CEP350: variants seen among roughly 807,000 people sequenced by gnomAD.
The protein encoded by CEP350 is centrosome-associated protein 350.
CEP350 carries 126 observed loss-of-function variants against 331.8 expected under a neutral mutation model. The observed-to-expected ratio is 0.38, with a 90% CI of 0.33 to 0.44. CEP350 has a LOEUF of 0.44. CEP350 is among the 20% of genes least tolerant of loss of function. CEP350 has a pLI of 1.00. For missense variants in CEP350, 3,406 were observed against 3,634.6 expected (o/e 0.94, Z 1.62); for synonymous variants, 1,200 against 1,259.5 (o/e 0.95, Z 1.00).
chr1:180,092,528 A>G (rs1354714239), intron 33 of CEP350, 86 bp from the exon 34 acceptor site: 1 of 985,970 alleles, frequency 1.0e-6, no homozygotes, highest in Non-Finnish European at 1.4e-6. Flanking sequence ...TTTCACTAAA[A>G]TTTGGCTTTT....
chr1:180,015,696 CAAAAT>C (rs1247873523), intron 10 of CEP350, among the ~76,000 whole-genome samples, 148 bp from the exon 11 acceptor site: 1 of 151,834 alleles, frequency 6.6e-6, no homozygotes, highest in Non-Finnish European at 1.5e-5. Context: ...GTTTTTAAGA[CAAAAT>C]AAATTTTAAT....
chr1:179,964,985 A>G (rs1015201287), intron 1 of CEP350, among the ~76,000 whole-genome samples: 1 of 151,630 alleles, frequency 6.6e-6, no homozygotes, highest in Non-Finnish European at 1.5e-5. Context: ...CTTTAAGTTC[A>G]ACTTTAAGTT....
At chr1:180,008,871 A>G (rs754797521) in intron 8 of CEP350, among the ~76,000 whole-genome samples, 5 of 152,264 alleles carry the variant, frequency 3.3e-5, no homozygotes, top group Admixed American at 6.5e-5. Context: ...CTAGTCATAC[A>G]CTAATCAGTA....
intron 18 of CEP350, 135 bp downstream of exon 18, chr1:180,041,383 T>C (rs1163299788): frequency 1.5e-6 from 1 of 689,434 alleles, no homozygotes; most frequent in Non-Finnish European, 2.4e-6. Flanking sequence ...TTTTATGGGA[T>C]AATGCCATGT....
rs757657911 is a variant in CEP350 at position 180,041,123 on chromosome 1, AC to A, written c.4111-13del. 6.4e-7 allele frequency: 1 copy of A among 1,559,032 alleles called. No homozygotes were observed. Among genetic ancestry groups the A allele is most frequent in the South Asian group, 1.2e-5 (1 of 84,770 alleles). On this transcript the variant is annotated splice_polypyrimidine_tract_variant and intron_variant, in intron 17 of 37. Transcript: ENST00000367607. ...TTTCGTATCTGAGAATTAACATTTG[AC>A]CATTATTTTGAAGGCACAACAGCAA... is the stretch of plus-strand genomic sequence containing the variant.
At chr1:180,021,712 C>G (rs1655336329) in intron 12 of CEP350, among the ~76,000 whole-genome samples, 1 of 151,972 alleles carries the variant, frequency 6.6e-6, no homozygotes, top group Non-Finnish European at 1.5e-5. Flanking sequence ...TTTGTGACTT[C>G]TTGGGAATAT....
Position 179,997,185 on chromosome 1 carries a change from C to A in CEP350, c.1018+10C>A. 1 of 1,605,684 alleles carries A rather than the reference C, an allele frequency of 6.2e-7. No individual in the cohort carries two copies. Among genetic ancestry groups the A allele is most frequent in the South Asian group, 1.1e-5 (1 of 89,748 alleles). On this transcript the variant is annotated intron_variant, in intron 6 of 37. Coordinates refer to ENST00000367607, the MANE Select transcript of CEP350 (RefSeq NM_014810.5). ...GCTCCAGCATATAAAGGTTTGTAAT[C>A]AGTCTTTATATCTTCCTCTCCCTGC...
chr1:179,975,110 A>T (rs534210457), intron 1 of CEP350, among the ~76,000 whole-genome samples: 3 of 152,336 alleles, frequency 2.0e-5, no homozygotes, highest in African/African-American at 7.2e-5. Context: ...AGGAGATGAC[A>T]TTAGAGTTTG....
intron 1 of CEP350, among the ~76,000 whole-genome samples, chr1:179,981,692 T>G (rs140930097): frequency 7.9e-5 from 12 of 152,220 alleles, no homozygotes; most frequent in African/African-American, 2.9e-4. Context: ...ATAGATATCA[T>G]AAAACTGATT....
At chr1:180,055,585 C>G (rs1386158278) in intron 25 of CEP350, among the ~76,000 whole-genome samples, 2 of 111,552 alleles carry the variant, frequency 1.8e-5, no homozygotes, top group African/African-American at 6.7e-5. Context: ...CAGTCTCGCT[C>G]TTTTACCCAG....
chr1:180,064,090 A>G (rs1273210127), intron 26 of CEP350, among the ~76,000 whole-genome samples: 3 of 152,064 alleles, frequency 2.0e-5, no homozygotes, highest in East Asian at 1.9e-4. Context: ...TGACTCCCCA[A>G]GTTGGGCTAT....
At chr1:180,072,069 C>T (rs1458589883) in intron 27 of CEP350, among the ~76,000 whole-genome samples, 1 of 152,058 alleles carries the variant, frequency 6.6e-6, no homozygotes, top group African/African-American at 2.4e-5. Context: ...CAACTTTATT[C>T]AACGTTTAAA....
intron 11 of CEP350, among the ~76,000 whole-genome samples, chr1:180,017,071 A>G (rs566786487): frequency 5.3e-5 from 8 of 152,312 alleles, no homozygotes; most frequent in African/African-American, 7.2e-5. Context: ...AGTACTTTGC[A>G]TATATTATTT....
chr1:180,056,474 C>G (rs542270977), intron 25 of CEP350, among the ~76,000 whole-genome samples: 2 of 121,286 alleles, frequency 1.6e-5, no homozygotes, highest in African/African-American at 3.2e-5. Flanking sequence ...CTCCCCCCCC[C>G]CCTTTTTTTT....
chr1:180,035,478 T>C (rs568353471), intron 16 of CEP350, among the ~76,000 whole-genome samples: 1 of 152,330 alleles, frequency 6.6e-6, no homozygotes, highest in East Asian at 1.9e-4. Flanking sequence ...TAGGGGTTAA[T>C]ACAGCTGATG....
chr1:180,110,308 C>T (rs2149206441), intron 37 of CEP350, among the ~76,000 whole-genome samples: 1 of 152,294 alleles, frequency 6.6e-6, no homozygotes, highest in South Asian at 2.1e-4. Context: ...GAAAGCAACA[C>T]ACATTCAGTA....
At chr1:179,991,707 G>GTGTA (rs1385981536) in intron 4 of CEP350, among the ~76,000 whole-genome samples, 1,351 of 96,852 alleles carry the variant, frequency 0.014, 17 homozygotes, top group African/African-American at 0.023. Flanking sequence ...GTGTGTGTGT[G>GTGTA]TATATATATA....
At chr1:180,096,007 G>A (rs61826354) in intron 35 of CEP350, 31 bp from the exon 36 acceptor site, 3 of 1,536,258 alleles carry the variant, frequency 2.0e-6, no homozygotes, top group East Asian at 2.4e-5. Context: ...TAGCCATTTT[G>A]TTTTGTTTTG....
intron 1 of CEP350, 91 bp from the exon 2 acceptor site, chr1:179,986,078 A>C: frequency 1.0e-6 from 1 of 983,080 alleles, no homozygotes; most frequent in Non-Finnish European, 1.5e-6. Context: ...ATGGGTGTGA[A>C]GTAGTCATAA....
Sources: allele counts gnomAD v4.1 joint callset (sites outside exome capture counted in the v4.1 genomes callset), GRCh38; gene constraint gnomAD v4.1.1; transcripts MANE v1.5; gene names NCBI Gene and HGNC (gene_info 2026-07-23, HGNC 2026-07-21).